Variants in DOK6 observed in about 807,000 individuals in gnomAD.
DOK6 encodes the protein downstream of tyrosine kinase 6.
A neutral mutation model predicts 44.0 loss-of-function variants in DOK6; 22 were observed. The observed-to-expected ratio is 0.50, with a 90% CI of 0.36 to 0.71. The LOEUF (loss-of-function observed/expected upper bound fraction) is 0.71. Ranked by LOEUF, DOK6 falls within the 30% of genes least tolerant of loss-of-function variation. DOK6 has a pLI of 0.00. For synonymous variants in DOK6, 166 were observed against 145.5 expected, an observed-to-expected ratio of 1.14 and a Z score of -1.01; for missense variants, 340 against 416.4, an observed-to-expected ratio of 0.82 and a Z score of 1.60.
chr18:69,618,953 C>T (rs928622803), intron 3 of DOK6, among the ~76,000 whole-genome samples: 1 of 151,896 alleles, frequency 6.6e-6, no homozygotes, highest in Non-Finnish European at 1.5e-5. Context: ...ATAAGGTCAA[C>T]ATTATGTACT....
intron 7 of DOK6, among the ~76,000 whole-genome samples, chr18:69,819,960 T>C (rs924677213): frequency 3.9e-5 from 6 of 152,162 alleles, no homozygotes; most frequent in Non-Finnish European, 7.3e-5. Context: ...AAAAAAAATC[T>C]CATAATGTTT....
chr18:69,611,927 A>G (rs1031061267), intron 3 of DOK6, among the ~76,000 whole-genome samples: 19 of 138,024 alleles, frequency 1.4e-4, no homozygotes, highest in African/African-American at 4.5e-4. Flanking sequence ...AAACCTCCAC[A>G]AGTGATTAAT....
intron 1 of DOK6, among the ~76,000 whole-genome samples, chr18:69,503,539 G>T (rs757292470): frequency 5.9e-5 from 9 of 152,014 alleles, no homozygotes; most frequent in Non-Finnish European, 1.2e-4. Flanking sequence ...TTCCTTCATT[G>T]TAAGATTAAA....
intron 7 of DOK6, among the ~76,000 whole-genome samples, chr18:69,827,953 G>T (rs945971392): frequency 1.3e-5 from 2 of 151,766 alleles, no homozygotes; most frequent in Admixed American, 1.3e-4. Context: ...AAACTTACAT[G>T]TATTATTCTT....
At chr18:69,530,055 T>C (rs1450399697) in intron 1 of DOK6, among the ~76,000 whole-genome samples, 7 of 152,178 alleles carry the variant, frequency 4.6e-5, no homozygotes, top group Non-Finnish European at 2.9e-5. Flanking sequence ...AGTTTATGCA[T>C]GATCCTATAA....
At chr18:69,522,793 A>G (rs767609774) in intron 1 of DOK6, among the ~76,000 whole-genome samples, 7 of 152,080 alleles carry the variant, frequency 4.6e-5, no homozygotes, top group Non-Finnish European at 1.0e-4. Flanking sequence ...ACTGTTCCAC[A>G]TTATTGAACT....
In DOK6 at chr18:69,757,625, A is replaced by G. The variant is rs1979398191; in HGVS notation, c.739-131A>G. On this transcript the variant is annotated intron_variant, in intron 6 of 7. Coordinates refer to ENST00000382713, the MANE Select transcript of DOK6 (RefSeq NM_152721.6). ...TGATTTTACTTTAAAAGTTATCCTT[A>G]CACCGGGGATCATGCAGGTATCTAT... The G allele has an allele frequency of 4.3e-6, 3 of 704,248 alleles. No individual in the cohort carries two copies. The South Asian group carries it at 5.4e-5, about 13-fold the overall frequency. 43.6% of individuals were successfully genotyped at this position (704,248 alleles called of 1,614,324 possible). A position where few individuals can be genotyped will look rare whatever the true frequency, so the allele number is the denominator to read the frequency against.
chr18:69,601,296 C>T (rs188146143), intron 3 of DOK6, among the ~76,000 whole-genome samples: 2 of 152,252 alleles, frequency 1.3e-5, no homozygotes, highest in Non-Finnish European at 1.5e-5. Context: ...ATACTTAGAG[C>T]ATTTTAATAG....
intron 1 of DOK6, among the ~76,000 whole-genome samples, chr18:69,409,193 C>T (rs1402921821): frequency 6.6e-6 from 1 of 152,152 alleles, no homozygotes; most frequent in Non-Finnish European, 1.5e-5. Flanking sequence ...GAGGTGCCTT[C>T]CACCATGATT....
intron 3 of DOK6, among the ~76,000 whole-genome samples, chr18:69,624,394 T>A (rs1049098829): frequency 6.6e-6 from 1 of 152,160 alleles, no homozygotes; most frequent in African/African-American, 2.4e-5. Flanking sequence ...GCTAGCAGTA[T>A]GTTTATGTTT....
rs2144583956 is a variant in DOK6, at chr18:69,545,230, A to C, written c.67-19257A>C. Among the ~76,000 whole-genome samples, 3 of 151,262 alleles carry C rather than the reference A, an allele frequency of 2.0e-5. 1 individual carries two copies. In the South Asian group the frequency reaches 6.3e-4, roughly 32 times the overall value. ...ATCATTTCAGTTTTGAGCTCTCTGAAAGCTGGGAACTTGAAGGGTGTAATT... is the reference window on the plus strand; with the variant it reads ...ATCATTTCAGTTTTGAGCTCTCTGACAGCTGGGAACTTGAAGGGTGTAATT... On this transcript the variant is annotated intron_variant, in intron 1 of 7. Coordinates refer to ENST00000382713, the MANE Select transcript of DOK6 (RefSeq NM_152721.6).
intron 3 of DOK6, among the ~76,000 whole-genome samples, chr18:69,629,586 C>T (rs140242062): frequency 3.0e-4 from 46 of 152,236 alleles, no homozygotes; most frequent in African/African-American, 1.1e-3. Flanking sequence ...AGACTTGGCA[C>T]TGAGGAACTA....
intron 2 of DOK6, among the ~76,000 whole-genome samples, chr18:69,566,219 G>T (rs1982977786): frequency 6.6e-6 from 1 of 152,044 alleles, no homozygotes; most frequent in South Asian, 2.1e-4. Context: ...CTCACTGTAA[G>T]CTCCGCCTTC....
intron 6 of DOK6, among the ~76,000 whole-genome samples, chr18:69,751,634 T>C (rs1979182340): frequency 6.6e-6 from 1 of 152,106 alleles, no homozygotes; most frequent in African/African-American, 2.4e-5. Context: ...TAGTTAAAAA[T>C]GAAAAATAAA....
chr18:69,650,197 T>TA (rs534770717), intron 3 of DOK6, among the ~76,000 whole-genome samples: 11 of 151,416 alleles, frequency 7.3e-5, no homozygotes, highest in Middle Eastern at 3.4e-3. Flanking sequence ...TTATCATCTT[T>TA]AAAAAAAAAC....
intron 1 of DOK6, among the ~76,000 whole-genome samples, chr18:69,557,517 T>C (rs909719307): frequency 2.6e-5 from 4 of 152,092 alleles, no homozygotes; most frequent in African/African-American, 9.7e-5. Context: ...TGCGGTAAAA[T>C]GGTTTTCATC....
intron 7 of DOK6, among the ~76,000 whole-genome samples, chr18:69,769,534 G>T (rs906194950): frequency 3.3e-5 from 5 of 151,942 alleles, no homozygotes. Context: ...TTTAAAAATT[G>T]TCCAAACTTC....
chr18:69,664,055 T>C (rs1461528732), intron 3 of DOK6, among the ~76,000 whole-genome samples: 3 of 152,180 alleles, frequency 2.0e-5, no homozygotes, highest in African/African-American at 7.2e-5. Context: ...GATGTTTGGA[T>C]TGGGGTACAA....
intron 6 of DOK6, among the ~76,000 whole-genome samples, chr18:69,756,910 T>A (rs1246209369): frequency 3.3e-5 from 5 of 152,208 alleles, no homozygotes; most frequent in Non-Finnish European, 4.4e-5. Context: ...TGTCAAAAAG[T>A]AAACATTTCC....
Sources: allele counts gnomAD v4.1 joint callset (sites outside exome capture counted in the v4.1 genomes callset), GRCh38; gene constraint gnomAD v4.1.1; transcripts MANE v1.5; gene names NCBI Gene and HGNC (gene_info 2026-07-23, HGNC 2026-07-21).